Variants in KCNT2 observed in about 807,000 individuals in gnomAD.
The protein encoded by KCNT2 is potassium sodium-activated channel subfamily T member 2, also known as potassium channel subfamily T member 2.
In KCNT2, 67 loss-of-function variants were observed where a neutral mutation model predicts 153.8. The ratio of observed to expected loss-of-function variants is 0.44; its 90% CI spans 0.36 to 0.53. KCNT2 has a LOEUF of 0.53. KCNT2 is among the 20% of genes least tolerant of loss of function. The probability of loss-of-function intolerance (pLI) is 0.00; values close to 1 mark genes in which losing one functional copy is unlikely to be tolerated. For missense variants in KCNT2, 975 were observed against 1,354.8 expected (o/e 0.72, Z 4.40); for synonymous variants, 500 against 458.8 (o/e 1.09, Z -1.15).
intron 25 of KCNT2, among the ~76,000 whole-genome samples, chr1:196,270,578 C>T (rs1657972453): frequency 6.6e-6 from 1 of 152,114 alleles, no homozygotes; most frequent in South Asian, 2.1e-4. Flanking sequence ...ATTCAACGTA[C>T]GCATACAGGC....
chr1:196,274,051 TA>T (rs1443485820), intron 25 of KCNT2, among the ~76,000 whole-genome samples: 1 of 151,680 alleles, frequency 6.6e-6, no homozygotes, highest in African/African-American at 2.4e-5. Context: ...TACTATTTTT[TA>T]ATTTCAGATC....
chr1:196,540,859 G>A (rs1352023465), intron 1 of KCNT2, among the ~76,000 whole-genome samples: 2 of 152,104 alleles, frequency 1.3e-5, no homozygotes, highest in Non-Finnish European at 2.9e-5. Flanking sequence ...AAGGTCAGGA[G>A]ATCGAGACCA....
At chr1:196,529,594 T>C (rs1654680579) in intron 1 of KCNT2, among the ~76,000 whole-genome samples, 1 of 152,102 alleles carries the variant, frequency 6.6e-6, no homozygotes, top group Admixed American at 6.6e-5. Flanking sequence ...TCATTATTTT[T>C]TAAGGATTTT....
chr1:196,551,394 T>C (rs906739705), intron 1 of KCNT2, among the ~76,000 whole-genome samples: 4 of 151,742 alleles, frequency 2.6e-5, no homozygotes, highest in Non-Finnish European at 2.9e-5. Context: ...GGATGTTAAA[T>C]CTGAGAGAAC....
At chr1:196,332,492 A>C (rs1019671282) in intron 17 of KCNT2, among the ~76,000 whole-genome samples, 1 of 152,130 alleles carries the variant, frequency 6.6e-6, no homozygotes, top group African/African-American at 2.4e-5. Flanking sequence ...TTTAAGTGTG[A>C]GAAATTTAAA....
chr1:196,606,887 A>G (rs1665381657), intron 1 of KCNT2, among the ~76,000 whole-genome samples: 1 of 152,166 alleles, frequency 6.6e-6, no homozygotes, highest in African/African-American at 2.4e-5. Flanking sequence ...TTCACTTAAA[A>G]ATTATTTTCT....
At chr1:196,266,896 C>T (rs660711) in intron 25 of KCNT2, among the ~76,000 whole-genome samples, 112,103 of 152,020 alleles carry the variant, frequency 0.74, 43,395 homozygotes, top group East Asian at 0.95. Context: ...CTATTAAGTG[C>T]CTCTTTTGAT....
intron 26 of KCNT2, among the ~76,000 whole-genome samples, chr1:196,236,783 G>A (rs972142798): frequency 6.6e-6 from 1 of 151,494 alleles, no homozygotes; most frequent in South Asian, 2.1e-4. Context: ...AAGTTGAAAT[G>A]TTGACCCTGC....
intron 14 of KCNT2, among the ~76,000 whole-genome samples, chr1:196,362,823 G>C (rs1667742549): frequency 1.3e-5 from 2 of 152,098 alleles, no homozygotes; most frequent in South Asian, 4.1e-4. Context: ...GAATACCAAA[G>C]TAACTTCTTA....
intron 21 of KCNT2, 88 bp downstream of exon 21, chr1:196,315,804 A>G: frequency 8.4e-7 from 1 of 1,184,374 alleles, no homozygotes; most frequent in Non-Finnish European, 1.2e-6. Context: ...GGTGTGTCTC[A>G]TGTTCATTCC....
chr1:196,384,127 A>C lies in KCNT2; in HGVS notation c.1295-10879T>G, dbSNP rs949078026. ...AGTTCATAATGCATATGTATATCAA[A>C]TCATCACATTGTACACCTTAAATTT... On this transcript the variant is annotated intron_variant, in intron 13 of 27. Coordinates refer to ENST00000294725, the MANE Select transcript of KCNT2 (RefSeq NM_198503.5). 6.6e-5 allele frequency among the ~76,000 whole-genome samples: 10 copies of C among 152,318 alleles called. No individual in the cohort carries two copies. The East Asian group carries it at 1.9e-3, about 29-fold the overall frequency.
chr1:196,547,279 A>G (rs2148887881), intron 1 of KCNT2, among the ~76,000 whole-genome samples: 1 of 152,120 alleles, frequency 6.6e-6, no homozygotes, highest in East Asian at 1.9e-4. Context: ...CTAAATAGGA[A>G]TAAACTCAAA....
chr1:196,307,479 C>A (rs945539238), intron 21 of KCNT2, among the ~76,000 whole-genome samples: 1 of 152,126 alleles, frequency 6.6e-6, no homozygotes, highest in Non-Finnish European at 1.5e-5. Flanking sequence ...GCTTCTCTAG[C>A]TACCTGGTTG....
chr1:196,559,842 A>AT (rs1358222214), intron 1 of KCNT2, among the ~76,000 whole-genome samples: 3 of 151,710 alleles, frequency 2.0e-5, no homozygotes, highest in African/African-American at 7.3e-5. Context: ...CCATTGTTGA[A>AT]TTTTCCCAGT....
chr1:196,386,176 G>A (rs1312870556), intron 13 of KCNT2, among the ~76,000 whole-genome samples: 2 of 152,066 alleles, frequency 1.3e-5, no homozygotes, highest in Non-Finnish European at 2.9e-5. Context: ...TTTGAAAACA[G>A]ATATTCTACG....
intron 8 of KCNT2, among the ~76,000 whole-genome samples, chr1:196,455,579 A>G (rs1676592973): frequency 1.3e-5 from 2 of 151,906 alleles, no homozygotes; most frequent in Admixed American, 6.6e-5. Flanking sequence ...TCTTATGAAC[A>G]TCTATAGTAT....
intron 1 of KCNT2, among the ~76,000 whole-genome samples, chr1:196,534,820 C>T (rs929908589): frequency 6.6e-6 from 1 of 152,150 alleles, no homozygotes; most frequent in African/African-American, 2.4e-5. Context: ...TTCACTGATA[C>T]CTTTCTGCTG....
chr1:196,469,020 T>C lies in KCNT2; in HGVS notation c.433A>G (p.Ile145Val). The C allele has an allele frequency of 1.2e-6, 2 of 1,602,694 alleles. No individual in the cohort carries two copies. Among genetic ancestry groups the C allele is most frequent in the South Asian group, 1.1e-5 (1 of 89,996 alleles). ...ILRIPFILEI[I>V]NAVPFIISIF... ...GAGATAATGAAGGGAACTGCATTAA[T>C]TATTTCCAAGATGAAGGGTATTCGT... Residue 145 changes from isoleucine (I) to valine (V), a missense_variant, in exon 6 of 28, where the codon ATT (isoleucine) becomes GTT (valine). Ile to Val is a conservative substitution (Grantham distance 29, BLOSUM62 3). Transcript: ENST00000294725.
intron 27 of KCNT2, among the ~76,000 whole-genome samples, chr1:196,232,436 A>C (rs546598731): frequency 6.6e-6 from 1 of 151,744 alleles, no homozygotes; most frequent in African/African-American, 2.4e-5. Context: ...AAAACCTATG[A>C]GTCCAATAAA....
Sources: gnomAD v4.1 joint callset for allele counts (sites outside exome capture counted in the v4.1 genomes callset) on GRCh38, gnomAD v4.1.1 for gene constraint, MANE v1.5 for transcripts, NCBI Gene and HGNC (gene_info 2026-07-23, HGNC 2026-07-21) for gene names.